The following SCAF8 variants were observed in gnomAD, a reference collection of about 807,000 sequenced individuals.
SCAF8 encodes the protein SR-related and CTD-associated factor 8.
Under a neutral mutation model 140.5 loss-of-function variants are expected in SCAF8, and 23 were observed. That is an observed-to-expected ratio of 0.16 (90% CI 0.12 to 0.23). The LOEUF is 0.23. Among genes scored for constraint, SCAF8 ranks in the 10% least tolerant of loss-of-function variants. The probability of loss-of-function intolerance (pLI) is 1.00; values close to 1 mark genes in which losing one functional copy is unlikely to be tolerated. For synonymous variants in SCAF8, 575 were observed against 528.9 expected (o/e 1.09, Z -1.20); for missense variants, 1,397 against 1,555.7 (o/e 0.90, Z 1.72).
At chr6:154,819,486 G>C (rs947909695) in intron 14 of SCAF8, among the ~76,000 whole-genome samples, 3 of 152,114 alleles carry the variant, frequency 2.0e-5, no homozygotes, top group Non-Finnish European at 4.4e-5. Flanking sequence ...AGCTGCTTGG[G>C]AGGCTGAGGT....
chr6:154,733,383 T>TC, upstream of SCAF8: 1 of 1,336,154 alleles, frequency 7.5e-7, no homozygotes, highest in Non-Finnish European at 9.6e-7. Context: ...GCGCCGCGGA[T>TC]CCCCGAACTG....
chr6:154,819,466 C>G (rs1778351444), intron 14 of SCAF8, among the ~76,000 whole-genome samples: 1 of 152,110 alleles, frequency 6.6e-6, no homozygotes, highest in Non-Finnish European at 1.5e-5. Context: ...TGGTATGCTT[C>G]TATGGTCCCA....
At position 154,773,995 on chromosome 6, in the gene SCAF8, T is replaced by G; in HGVS notation, c.37T>G (p.Ser13Ala). Residue 13 changes from serine (S) to alanine (A), a missense_variant, in exon 2 of 20, where the codon TCC becomes GCC. Transcript: ENST00000367178. The stretch of plus-strand genomic sequence containing the variant: ...TTTGTTCTTTTTTCATCAGTTGTAT[T>G]CCCTGAATGACTATAAACCACCCAT... ...AVKTFNSELYSLNDYKPPISK... is the reference protein window; with the variant it reads ...AVKTFNSELYALNDYKPPISK... The G allele has an allele frequency of 6.2e-7, 1 of 1,608,888 alleles. No individual in the cohort carries two copies. Among genetic ancestry groups the G allele is most frequent in the Non-Finnish European group, 8.5e-7 (1 of 1,175,898 alleles).
chr6:154,815,934 A>G (rs751356218), intron 13 of SCAF8, 118 bp downstream of exon 13: 124 of 527,644 alleles, frequency 2.4e-4, no homozygotes, highest in Non-Finnish European at 4.1e-4. Context: ...ACACATCTTT[A>G]AAAGGATTGC....
chr6:154,739,343 C>G (rs1420347286), intron 1 of SCAF8, among the ~76,000 whole-genome samples: 2 of 152,126 alleles, frequency 1.3e-5, no homozygotes, highest in Non-Finnish European at 2.9e-5. Flanking sequence ...AAACGTAGTT[C>G]CTTTACCATT....
chr6:154,811,156 AGTTT>A (rs1409506833), intron 12 of SCAF8, among the ~76,000 whole-genome samples: 1 of 152,156 alleles, frequency 6.6e-6, no homozygotes, highest in African/African-American at 2.4e-5. Context: ...TTGCTCTAGA[AGTTT>A]GTTTGTCCCT....
intron 8 of SCAF8, among the ~76,000 whole-genome samples, chr6:154,804,094 T>TC (rs1777845654): frequency 6.6e-6 from 1 of 152,054 alleles, no homozygotes; most frequent in East Asian, 1.9e-4. Flanking sequence ...TACTTTTTTT[T>TC]CCCTAAACAA....
rs745653462 is a variant in SCAF8, at chr6:154,832,644, A to G, written c.3065A>G (p.Glu1022Gly). ...AGAGATTACCGGTTTCCTCCTATAG[A>G]AACCAGGGAAAGCATTAGTAGACCT... The part of the protein sequence containing the change: ...GDRDYRFPPI[E>G]TRESISRPPP... Residue 1022 changes from glutamate to glycine, a missense_variant, in exon 20 of 20, where the codon GAA (glutamate) becomes GGA (glycine). By Grantham distance (98) the Glu-to-Gly change is moderately conservative. Around this residue, in one of 5 missense-constraint regions of SCAF8, gnomAD observed 930 missense variants for 874.6 expected, o/e 1.06. Transcript: ENST00000367178. 6.2e-7 allele frequency: 1 copy of G among 1,614,112 alleles called. No individual in the cohort carries two copies. The highest frequency in any genetic ancestry group is 1.1e-5 in the South Asian group (1 of 91,084).
intron 3 of SCAF8, among the ~76,000 whole-genome samples, chr6:154,779,949 G>A (rs902337246): frequency 3.3e-5 from 5 of 152,064 alleles, no homozygotes; most frequent in Admixed American, 2.0e-4. Context: ...TTACAATCAG[G>A]ACATTGATAC....
intron 12 of SCAF8, among the ~76,000 whole-genome samples, chr6:154,814,375 A>G (rs961716320): frequency 4.6e-5 from 7 of 152,230 alleles, no homozygotes; most frequent in Admixed American, 1.3e-4. Flanking sequence ...TTGGTTGAAG[A>G]TTAAATTGAA....
chr6:154,783,684 T>C (rs1476305997), intron 3 of SCAF8, among the ~76,000 whole-genome samples: 1 of 152,222 alleles, frequency 6.6e-6, no homozygotes, highest in Non-Finnish European at 1.5e-5. Flanking sequence ...GTTGATATTT[T>C]GCAGTGGATA....
rs767230091 is a variant in SCAF8 at position 154,787,864 on chromosome 6, A to C, written c.163A>C (p.Lys55Gln). The C allele has an allele frequency of 3.7e-6, 6 of 1,608,034 alleles. No homozygotes were observed. Among genetic ancestry groups the C allele is most frequent in the African/African-American group, 2.7e-5 (2 of 74,628 alleles). ...TCATTCTTCTTTTTTTCATCAGTGT[A>C]AACCAGAATACAAAGTACCTGGACT... is the stretch of plus-strand genomic sequence containing the variant. ...QSVEKFIQKC[K>Q]PEYKVPGLYV... The change falls in exon 4 of 20, where the codon AAA becomes CAA. Residue 55 changes from lysine to glutamine, a missense_variant. Lys to Gln is a moderately conservative substitution (Grantham distance 53). This residue lies in a region of SCAF8 where 43 missense variants were observed against 142.1 expected (regional missense o/e 0.30). Transcript: ENST00000367178.
intron 1 of SCAF8, among the ~76,000 whole-genome samples, chr6:154,745,701 T>TG (rs1489362178): frequency 2.6e-5 from 4 of 152,192 alleles, no homozygotes; most frequent in Non-Finnish European, 5.9e-5. Flanking sequence ...CCTTGCTACT[T>TG]GTCAAATTTT....
chr6:154,827,708 T>G (rs1026562293), intron 18 of SCAF8, among the ~76,000 whole-genome samples: 7 of 152,090 alleles, frequency 4.6e-5, no homozygotes, highest in Middle Eastern at 6.3e-3. Flanking sequence ...TTGCTTAGAT[T>G]CCGGTTCACC....
intron 3 of SCAF8, among the ~76,000 whole-genome samples, chr6:154,783,810 A>G (rs1018825926): frequency 5.3e-5 from 8 of 152,044 alleles, no homozygotes; most frequent in Non-Finnish European, 1.0e-4. Context: ...GCTCACGCCT[A>G]TAATCCCAGC....
intron 8 of SCAF8, among the ~76,000 whole-genome samples, chr6:154,804,047 T>G (rs994413943): frequency 3.9e-5 from 6 of 152,108 alleles, no homozygotes; most frequent in Non-Finnish European, 7.4e-5. Context: ...TTTTTTTTTT[T>G]GTAAAGAAAT....
intron 6 of SCAF8, among the ~76,000 whole-genome samples, chr6:154,799,429 A>C (rs959831146): frequency 2.0e-5 from 3 of 151,476 alleles, no homozygotes; most frequent in African/African-American, 7.2e-5. Context: ...CCCAAGTTTC[A>C]GCAGTCACTT....
intron 7 of SCAF8, among the ~76,000 whole-genome samples, chr6:154,802,514 G>A (rs573308066): frequency 5.3e-5 from 8 of 152,178 alleles, no homozygotes; most frequent in African/African-American, 1.9e-4. Flanking sequence ...CTACTGGGGA[G>A]GCTGAGGAAG....
chr6:154,766,299 C>G (rs891934695), intron 1 of SCAF8, among the ~76,000 whole-genome samples: 3 of 152,100 alleles, frequency 2.0e-5, no homozygotes, highest in South Asian at 2.1e-4. Flanking sequence ...TGTAACTTTA[C>G]AGAAATAATA....
Sources: allele counts gnomAD v4.1 joint callset (sites outside exome capture counted in the v4.1 genomes callset), GRCh38; gene constraint gnomAD v4.1.1; regional missense constraint gnomAD v4.1.1; transcripts MANE v1.5; gene names NCBI Gene and HGNC (gene_info 2026-07-23, HGNC 2026-07-21).